Variants in SLC35D4 observed in about 807,000 individuals in gnomAD.
SLC35D4 encodes UDP-N-acetylglucosamine transporter SLC35D4.
chr18:23,377,497 G>T, the SLC35D4 span: 1 of 701,314 alleles, frequency 1.4e-6, no homozygotes, highest in South Asian at 2.7e-5. Context: ...AGAAATTTTA[G>T]ACTAAGACAC....
chr18:23,350,866 C>T, the SLC35D4 span, among the ~76,000 whole-genome samples: 2 of 152,114 alleles, frequency 1.3e-5, no homozygotes, highest in Non-Finnish European at 2.9e-5. Flanking sequence ...GGCAAGAACA[C>T]CACAGATTCG....
chr18:23,366,081 C>T, the SLC35D4 span, among the ~76,000 whole-genome samples: 1 of 152,208 alleles, frequency 6.6e-6, no homozygotes, highest in Non-Finnish European at 1.5e-5. Flanking sequence ...GCCACAAAAT[C>T]AACTGTGTAG....
chr18:23,399,713 A>C, the SLC35D4 span: 1 of 1,507,264 alleles, frequency 6.6e-7, no homozygotes, highest in Non-Finnish European at 9.2e-7. Flanking sequence ...CTAGCTGGAA[A>C]GGCTGACCCT....
chr18:23,275,685 C>CACCT, the SLC35D4 span, among the ~76,000 whole-genome samples: 1 of 150,992 alleles, frequency 6.6e-6, no homozygotes, highest in Non-Finnish European at 1.5e-5. Flanking sequence ...CGTGGAAGGA[C>CACCT]ACCTGTACCC....
chr18:23,268,464 A>T, the SLC35D4 span, among the ~76,000 whole-genome samples: 1 of 152,130 alleles, frequency 6.6e-6, no homozygotes, highest in Admixed American at 6.6e-5. Flanking sequence ...ATCCCTGGGA[A>T]TTCTGGAATC....
the SLC35D4 span, chr18:23,257,553 T>C: frequency 1.7e-6 from 1 of 601,352 alleles, no homozygotes; most frequent in African/African-American, 1.9e-5. Flanking sequence ...AGAGGAGCCA[T>C]GAGCTATGGA....
the SLC35D4 span, among the ~76,000 whole-genome samples, chr18:23,287,437 T>C: frequency 2.0e-5 from 3 of 152,320 alleles, no homozygotes; most frequent in East Asian, 5.8e-4. Flanking sequence ...ACAGCCCCCA[T>C]TACTTCAGTC....
the SLC35D4 span, among the ~76,000 whole-genome samples, chr18:23,281,030 G>A: frequency 1.3e-5 from 2 of 151,308 alleles, no homozygotes; most frequent in Non-Finnish European, 2.9e-5. Flanking sequence ...TAACACAAAA[G>A]CCCACACATT....
chr18:23,430,573 A>G, the SLC35D4 span: 1 of 1,406,324 alleles, frequency 7.1e-7, no homozygotes, highest in Non-Finnish European at 9.9e-7. Flanking sequence ...TATTTCAAAG[A>G]ATGATGGTGG....
the SLC35D4 span, chr18:23,252,963 A>G: frequency 6.2e-7 from 1 of 1,605,240 alleles, no homozygotes; most frequent in Non-Finnish European, 8.5e-7. Flanking sequence ...GTTACAGACA[A>G]CAGTGATTGA....
At chr18:23,254,062 G>A in the SLC35D4 span, 1 of 746,022 alleles carries the variant, frequency 1.3e-6, no homozygotes, top group South Asian at 1.7e-5. Context: ...TTGAGGTGAA[G>A]GCTATGAAGT....
At chr18:23,333,010 T>A in the SLC35D4 span, among the ~76,000 whole-genome samples, 1 of 152,180 alleles carries the variant, frequency 6.6e-6, no homozygotes, top group Non-Finnish European at 1.5e-5. Context: ...GATAGGACAC[T>A]CTATACACCT....
chr18:23,313,995 T>C, the SLC35D4 span, among the ~76,000 whole-genome samples: 4 of 152,362 alleles, frequency 2.6e-5, no homozygotes, highest in East Asian at 5.8e-4. Context: ...CTAGGACTAA[T>C]AATCCAGAAG....
At chr18:23,279,779 TATAG>T in the SLC35D4 span, among the ~76,000 whole-genome samples, 1 of 152,294 alleles carries the variant, frequency 6.6e-6, no homozygotes, top group South Asian at 2.1e-4. Flanking sequence ...TCTGTTGTTA[TATAG>T]AGAGACATAT....
chr18:23,382,873 C>T, the SLC35D4 span, among the ~76,000 whole-genome samples: 1 of 152,180 alleles, frequency 6.6e-6, no homozygotes, highest in Non-Finnish European at 1.5e-5. Flanking sequence ...CTCAGGGGAT[C>T]GAGCTCTTTT....
the SLC35D4 span, among the ~76,000 whole-genome samples, chr18:23,361,486 C>T: frequency 6.6e-6 from 1 of 152,200 alleles, no homozygotes; most frequent in East Asian, 1.9e-4. Context: ...GAGCCCACAG[C>T]CACTTCAGCA....
At chr18:23,329,687 C>T in the SLC35D4 span, among the ~76,000 whole-genome samples, 945 of 152,166 alleles carry the variant, frequency 6.2e-3, 9 homozygotes, top group Middle Eastern at 0.01. Context: ...ACCATTTGAC[C>T]CAGCAATCCT....
the SLC35D4 span, among the ~76,000 whole-genome samples, chr18:23,420,041 T>C: frequency 6.6e-6 from 1 of 152,166 alleles, no homozygotes; most frequent in Non-Finnish European, 1.5e-5. Context: ...CAGTGGTTCA[T>C]GCCTGTAATC....
At chr18:23,335,004 C>CAA in the SLC35D4 span, among the ~76,000 whole-genome samples, 12 of 131,128 alleles carry the variant, frequency 9.2e-5, no homozygotes, top group Admixed American at 4.6e-4. Context: ...GACTCTGTCT[C>CAA]AAAAAAAAAA....
Sources: gnomAD v4.1 joint callset for allele counts (sites outside exome capture counted in the v4.1 genomes callset) on GRCh38, gnomAD v4.1.1 for gene constraint, MANE v1.5 for transcripts, NCBI Gene and HGNC (gene_info 2026-07-23, HGNC 2026-07-21) for gene names.